The following RASL12 variants were observed in gnomAD, a reference collection of about 807,000 sequenced individuals.
RASL12 encodes the protein RAS like family 12, also known as ras-like protein family member 12.
A neutral mutation model predicts 22.9 loss-of-function variants in RASL12; 16 were observed. That is an observed-to-expected ratio of 0.70 (90% CI 0.47 to 1.06). RASL12 has a LOEUF of 1.06. RASL12 is among the 50% of genes least tolerant of loss of function. The probability of loss-of-function intolerance (pLI) is 0.00; values close to 1 mark genes in which losing one functional copy is unlikely to be tolerated. For missense variants in RASL12, 306 were observed against 353.1 expected (o/e 0.87, Z 1.07); for synonymous variants, 159 against 152.2 (o/e 1.04, Z -0.33).
upstream of RASL12, among the ~76,000 whole-genome samples, chr15:65,071,223 GGT>G (rs1490440993): frequency 6.6e-6 from 1 of 152,124 alleles, no homozygotes; most frequent in Non-Finnish European, 1.5e-5. Flanking sequence ...AACAACACTG[GGT>G]CTGTGCTCTA....
At chr15:65,049,463 C>A (rs1595899763), downstream of RASL12, 1 of 152,200 alleles carries the variant, frequency 6.6e-6, no homozygotes, top group African/African-American at 2.4e-5. Context: ...CGTGCCAATC[C>A]CCAGGAGAGA....
chr15:65,048,709 T>C (rs1428562155), downstream of RASL12, among the ~76,000 whole-genome samples: 3 of 152,128 alleles, frequency 2.0e-5, no homozygotes, highest in African/African-American at 7.2e-5. Context: ...CGTGTCCTTT[T>C]AAAAAAATGT....
At chr15:65,057,642 C>T (rs1481293612) in intron 4 of RASL12, among the ~76,000 whole-genome samples, 2 of 152,204 alleles carry the variant, frequency 1.3e-5, no homozygotes, top group Admixed American at 6.5e-5. Context: ...AACCTGCCCT[C>T]AGCCCAGCCA....
intron 2 of RASL12, 21 bp downstream of exon 2, chr15:65,065,196 G>GT: frequency 6.2e-7 from 1 of 1,609,984 alleles, no homozygotes; most frequent in Non-Finnish European, 8.5e-7. Flanking sequence ...GCAGCAGAAG[G>GT]TACGGGGAGT....
At chr15:65,063,101 C>T (rs2086831593) in intron 2 of RASL12, among the ~76,000 whole-genome samples, 1 of 152,080 alleles carries the variant, frequency 6.6e-6, no homozygotes, top group Non-Finnish European at 1.5e-5. Context: ...CCCTAATAGG[C>T]TCATCCGGTG....
the RASL12 span, among the ~76,000 whole-genome samples, chr15:65,046,713 G>C: frequency 1.3e-5 from 2 of 152,120 alleles, no homozygotes; most frequent in Non-Finnish European, 2.9e-5. Context: ...AGAAGTTCAA[G>C]GCTGGCCTGG....
chr15:65,065,120 C>T (rs1431555874), intron 2 of RASL12, 97 bp downstream of exon 2: 1 of 1,142,928 alleles, frequency 8.7e-7, no homozygotes. Flanking sequence ...TGTCCCCAGA[C>T]ATGCAGTCCT....
intron 4 of RASL12, among the ~76,000 whole-genome samples, chr15:65,056,059 C>G (rs2086727217): frequency 6.6e-6 from 1 of 152,044 alleles, no homozygotes; most frequent in South Asian, 2.1e-4. Context: ...ACCTGAAAGC[C>G]ATGGGAATCG....
chr15:65,046,636 G>T, the RASL12 span, among the ~76,000 whole-genome samples: 4 of 152,296 alleles, frequency 2.6e-5, no homozygotes, highest in South Asian at 8.3e-4. Flanking sequence ...ATTTTGGCCA[G>T]GCGCGGTGGC....
chr15:65,067,937 C>G lies in RASL12; in HGVS notation c.-102G>C, dbSNP rs946763547. On this transcript the variant is annotated 5_prime_UTR_variant, in exon 1 of 5. Transcript: ENST00000220062. ...GAGCGGGATGCAGGCTTCCCTGGAG[C>G]GCGCGGCCCCGGACCCGTCGGCGTC... The G allele has an allele frequency of 5.7e-5, 72 of 1,273,340 alleles. No homozygotes were observed. The highest frequency in any genetic ancestry group is 6.9e-5 in the Non-Finnish European group (70 of 1,009,894). The allele number at this position is 1,273,340 out of a possible 1,614,324, so 78.9% of individuals were successfully genotyped here. A position where few individuals can be genotyped will look rare whatever the true frequency, so the allele number is the denominator to read the frequency against.
intron 3 of RASL12, 79 bp from the exon 4 acceptor site, chr15:65,058,696 C>T (rs1046349887): frequency 9.7e-7 from 1 of 1,025,734 alleles, no homozygotes; most frequent in Admixed American, 3.2e-5. Context: ...CCCAATCCCA[C>T]CTCCCCACTC....
rs1177604141 is a variant in RASL12, at chr15:65,054,859, C to G, written c.*40G>C. ...AGCCAGTCCCTGTCCTGCTGCAGTCCTGTCCAGCCACCGAGCCTAGGCTTC... is the reference window on the plus strand; with the variant it reads ...AGCCAGTCCCTGTCCTGCTGCAGTCGTGTCCAGCCACCGAGCCTAGGCTTC... On this transcript the variant is annotated 3_prime_UTR_variant, in exon 5 of 5. Transcript: ENST00000220062. The G allele has an allele frequency of 5.1e-6, 8 of 1,578,458 alleles. No homozygotes were observed. The African/African-American group carries it at 6.7e-5, about 13-fold the overall frequency.
chr15:65,050,073 G>C, downstream of RASL12: 3 of 1,551,744 alleles, frequency 1.9e-6, no homozygotes, highest in Non-Finnish European at 2.6e-6. Flanking sequence ...TGCTGGAAGA[G>C]ATGCTTTGGT....
chr15:65,051,715 T>A, downstream of RASL12: 1 of 933,462 alleles, frequency 1.1e-6, no homozygotes, highest in Non-Finnish European at 1.7e-6. Context: ...TGTCCACCCT[T>A]TGGGACAGCA....
chr15:65,073,787 A>G (rs2086947359), intron 1 of RASL12, among the ~76,000 whole-genome samples: 1 of 152,230 alleles, frequency 6.6e-6, no homozygotes, highest in Admixed American at 6.5e-5. Flanking sequence ...CAATAAATGG[A>G]TAATATCCAT....
chr15:65,067,560 C>G (rs939876919), intron 1 of RASL12, among the ~76,000 whole-genome samples, 173 bp downstream of exon 1: 3 of 152,156 alleles, frequency 2.0e-5, no homozygotes, highest in African/African-American at 7.2e-5. Context: ...GAAGAGAAAG[C>G]CCGGCAACAG....
Position 65,067,776 on chromosome 15 carries a change from C to T in RASL12, c.60G>A (p.Glu20=). 1.3e-6 allele frequency: 2 copies of T among 1,582,474 alleles called. No individual in the cohort carries two copies. The highest frequency in any genetic ancestry group is 1.7e-6 in the Non-Finnish European group (2 of 1,167,058). The change falls in exon 1 of 5, where the codon GAG becomes GAA. Residue 20 remains glutamate, a synonymous_variant. Coordinates refer to ENST00000220062, the MANE Select transcript of RASL12 (RefSeq NM_016563.4). ...AGSGPQSAPL[E]VNLAILGRRG... ...GGCGCCCCAGGATGGCCAGGTTGAC[C>T]TCGAGGGGCGCGCTCTGAGGCCCGC...
chr15:65,074,979 GC>G (rs961899950), intron 1 of RASL12, among the ~76,000 whole-genome samples: 22 of 152,240 alleles, frequency 1.4e-4, no homozygotes, highest in African/African-American at 5.3e-4. Flanking sequence ...TTCTGGGCTG[GC>G]CAAGGCTGGA....
At chr15:65,065,959 T>C (rs1415164755) in intron 1 of RASL12, among the ~76,000 whole-genome samples, 1 of 151,894 alleles carries the variant, frequency 6.6e-6, no homozygotes, top group Non-Finnish European at 1.5e-5. Context: ...ACCAGCCAAC[T>C]ACTATACTGG....
Sources: allele counts gnomAD v4.1 joint callset (sites outside exome capture counted in the v4.1 genomes callset), GRCh38; gene constraint gnomAD v4.1.1; transcripts MANE v1.5; gene names NCBI Gene and HGNC (gene_info 2026-07-23, HGNC 2026-07-21).